Variants in CDC73 observed in about 807,000 individuals in gnomAD.
The protein encoded by CDC73 is cell division cycle 73.
In CDC73, 21 loss-of-function variants were observed where a neutral mutation model predicts 83.7. The ratio of observed to expected loss-of-function variants is 0.25; its 90% CI spans 0.18 to 0.36. The LOEUF is 0.36. Among genes scored for constraint, CDC73 ranks in the 10% least tolerant of loss-of-function variants. The pLI is 1.00. For missense variants in CDC73, 342 were observed against 653.3 expected (o/e 0.52, Z 5.19); for synonymous variants, 224 against 212.9 (o/e 1.05, Z -0.45).
intron 13 of CDC73, among the ~76,000 whole-genome samples, chr1:193,217,385 C>T (rs541389298): frequency 1.3e-5 from 2 of 152,034 alleles, no homozygotes; most frequent in Non-Finnish European, 2.9e-5. Flanking sequence ...CTGGAAGAAT[C>T]GGATCACATG....
intron 10 of CDC73, among the ~76,000 whole-genome samples, chr1:193,159,657 C>T (rs1442617558): frequency 2.0e-5 from 3 of 152,094 alleles, no homozygotes; most frequent in Non-Finnish European, 2.9e-5. Context: ...CCACCGTGCC[C>T]GGCCTCCTTT....
At chr1:193,187,005 G>GT (rs956194902) in intron 10 of CDC73, among the ~76,000 whole-genome samples, 15 of 138,562 alleles carry the variant, frequency 1.1e-4, no homozygotes, top group African/African-American at 4.0e-4. Context: ...TCTTCTTGAA[G>GT]TTTTTTTTCT....
In CDC73 at chr1:193,250,786, A is replaced by C. The variant is rs1226955411; in HGVS notation, c.*74A>C. 9 of 1,279,380 alleles carry C rather than the reference A, an allele frequency of 7.0e-6. No homozygotes were observed. Among genetic ancestry groups the C allele is most frequent in the Non-Finnish European group, 1.0e-5 (9 of 878,154 alleles). The allele number at this position is 1,279,380 out of a possible 1,614,324, so 79.3% of individuals were successfully genotyped here. A position where few individuals can be genotyped will look rare whatever the true frequency, so the allele number is the denominator to read the frequency against. ...TTTATCAAGAACTTAAAAATGAAGA[A>C]GGTCACAGATTGATCTTTTATAAGA... On this transcript the variant is annotated 3_prime_UTR_variant, in exon 17 of 17. Transcript: ENST00000367435.
chr1:193,251,247 A>G lies in CDC73; in HGVS notation c.*535A>G, dbSNP rs1296524825. On this transcript the variant is annotated 3_prime_UTR_variant, in exon 17 of 17. Transcript: ENST00000367435. Reference sequence around the variant, plus strand: ...AAAGAATAATGAAAAATCTAGATCAATTCTTCAATTTGATTGAACTGTTCA... The same window carrying G: ...AAAGAATAATGAAAAATCTAGATCAGTTCTTCAATTTGATTGAACTGTTCA... 1.7e-5 allele frequency: 4 copies of G among 232,468 alleles called. No individual in the cohort carries two copies. The highest frequency in any genetic ancestry group is 2.6e-5 in the Non-Finnish European group (3 of 117,442). The allele number at this position is 232,468 out of a possible 1,614,324, so 14.4% of individuals were successfully genotyped here.
chr1:193,180,948 T>A (rs1378466507), intron 10 of CDC73: 3 of 1,613,482 alleles, frequency 1.9e-6, no homozygotes, highest in Non-Finnish European at 2.5e-6. Context: ...TTTCTTCCAG[T>A]ATTGCACGTT....
At chr1:193,226,228 A>C (rs1007056488) in intron 13 of CDC73, among the ~76,000 whole-genome samples, 1 of 152,072 alleles carries the variant, frequency 6.6e-6, no homozygotes, top group Non-Finnish European at 1.5e-5. Flanking sequence ...TCAGTTGGCA[A>C]AATACTTACA....
chr1:193,194,963 ATTAG>A (rs936607764), intron 10 of CDC73, among the ~76,000 whole-genome samples: 21 of 152,122 alleles, frequency 1.4e-4, no homozygotes, highest in African/African-American at 4.1e-4. Flanking sequence ...GATTTAGTAT[ATTAG>A]TTATTAGTAT....
At chr1:193,165,743 C>G (rs750192208) in intron 10 of CDC73, among the ~76,000 whole-genome samples, 1 of 152,220 alleles carries the variant, frequency 6.6e-6, no homozygotes, top group Non-Finnish European at 1.5e-5. Flanking sequence ...ATTCGTATCT[C>G]TCTCTCCCTC....
chr1:193,234,721 C>A (rs1677728383), intron 14 of CDC73, among the ~76,000 whole-genome samples: 1 of 152,116 alleles, frequency 6.6e-6, no homozygotes, highest in Non-Finnish European at 1.5e-5. Context: ...CTCTGTCCAG[C>A]AAATTCCCTT....
intron 8 of CDC73, among the ~76,000 whole-genome samples, chr1:193,149,304 T>C (rs1186965200): frequency 6.6e-6 from 1 of 151,990 alleles, no homozygotes. Context: ...CCACCTCAGA[T>C]CCTCAGGGTT....
intron 13 of CDC73, among the ~76,000 whole-genome samples, chr1:193,229,902 T>C (rs1021479481): frequency 2.0e-5 from 3 of 152,200 alleles, no homozygotes; most frequent in Non-Finnish European, 4.4e-5. Context: ...AGGAAGGGAA[T>C]GGCATTTGAC....
chr1:193,195,916 G>A (rs1313149009), intron 10 of CDC73, among the ~76,000 whole-genome samples: 1 of 152,092 alleles, frequency 6.6e-6, no homozygotes, highest in African/African-American at 2.4e-5. Flanking sequence ...TTTCTTATAT[G>A]TGTGACTTGC....
At chr1:193,148,314 TTTGGGGTTC>T (rs1276899530) in intron 8 of CDC73, among the ~76,000 whole-genome samples, 5 of 152,190 alleles carry the variant, frequency 3.3e-5, no homozygotes, top group Non-Finnish European at 5.9e-5. Context: ...TAACTCCCAG[TTTGGGGTTC>T]TTTTTGGCAT....
intron 3 of CDC73, among the ~76,000 whole-genome samples, chr1:193,133,379 C>T (rs1433801136): frequency 6.6e-6 from 1 of 152,102 alleles, no homozygotes; most frequent in Non-Finnish European, 1.5e-5. Context: ...ATAAGAATCT[C>T]TAGTTTTTCT....
At chr1:193,214,168 C>A in intron 13 of CDC73, among the ~76,000 whole-genome samples, 1 of 152,202 alleles carries the variant, frequency 6.6e-6, no homozygotes, top group East Asian at 1.9e-4. Context: ...ATGGGCAACA[C>A]CAGTGCACTT....
In CDC73 at chr1:193,251,840, C is replaced by A. The variant is rs998973442; in HGVS notation, c.*1128C>A. 4 of 229,816 alleles carry A rather than the reference C, an allele frequency of 1.7e-5. No individual in the cohort carries two copies. The highest frequency in any genetic ancestry group is 2.6e-5 in the Non-Finnish European group (3 of 116,492). 14.2% of individuals were successfully genotyped at this position (229,816 alleles called of 1,614,324 possible). ...CCATTTGCCTTGAACCTTGATTTCA[C>A]TTTGTTTTTTTTTTTTCCTTAAAGG... On this transcript the variant is annotated 3_prime_UTR_variant, in exon 17 of 17. Coordinates refer to ENST00000367435, the MANE Select transcript of CDC73 (RefSeq NM_024529.5).
intron 13 of CDC73, among the ~76,000 whole-genome samples, chr1:193,223,865 C>CTT (rs1009532927): frequency 1.4e-5 from 2 of 140,896 alleles, no homozygotes; most frequent in Non-Finnish European, 3.1e-5. Context: ...TTCTTTTTTC[C>CTT]TTTTTTTTTT....
intron 10 of CDC73, among the ~76,000 whole-genome samples, chr1:193,196,079 A>C (rs1479677749): frequency 6.6e-6 from 1 of 152,152 alleles, no homozygotes; most frequent in Non-Finnish European, 1.5e-5. Flanking sequence ...ATTCAGTTTC[A>C]TGAAGCTTTT....
chr1:193,230,455 GTATTTTTTTTT>G (rs1677642624), intron 13 of CDC73, among the ~76,000 whole-genome samples: 1 of 104,712 alleles, frequency 9.6e-6, no homozygotes, highest in East Asian at 2.9e-4. Context: ...CCCTAATCCC[GTATTTTTTTTT>G]TTTTTTTTTT....
Sources: gnomAD v4.1 joint callset for allele counts (sites outside exome capture counted in the v4.1 genomes callset) on GRCh38, gnomAD v4.1.1 for gene constraint, MANE v1.5 for transcripts, NCBI Gene and HGNC (gene_info 2026-07-23, HGNC 2026-07-21) for gene names.